Variants in FEZ2 observed in about 807,000 individuals in gnomAD.
FEZ2 encodes fasciculation and elongation protein zeta-2.
FEZ2 carries 51 observed loss-of-function variants against 40.4 expected under a neutral mutation model. That is an observed-to-expected ratio of 1.26 (90% CI 1.01 to 1.59). The LOEUF (loss-of-function observed/expected upper bound fraction) is 1.59. FEZ2 is among the 40% of genes most tolerant of loss of function. The probability of loss-of-function intolerance (pLI) is 0.00; values close to 1 mark genes in which losing one functional copy is unlikely to be tolerated. For synonymous variants in FEZ2, 242 were observed against 172.0 expected (o/e 1.41, Z -3.18); for missense variants, 640 against 438.3 (o/e 1.46, Z -4.11).
Position 36,597,960 on chromosome 2 carries a change from G to A in FEZ2, c.183C>T (p.Cys61=). ...ACSLEEKLSL[C]FRPSDPGAEP... is the part of the protein sequence containing the mutation. Reference sequence around the variant, plus strand: ...CGGCGCCCGGATCCGAGGGGCGGAAGCACAGGCTCAGCTTCTCCTCCAAGC... The same window carrying A: ...CGGCGCCCGGATCCGAGGGGCGGAAACACAGGCTCAGCTTCTCCTCCAAGC... The change falls in exon 1 of 8, where the codon TGC becomes TGT. Residue 61 remains cysteine, a synonymous_variant. Coordinates refer to ENST00000405912, the MANE Select transcript of FEZ2 (RefSeq NM_005102.3). The A allele has an allele frequency of 2.7e-6, 4 of 1,472,756 alleles. No homozygotes were observed. The highest frequency in any genetic ancestry group is 2.9e-5 in the East Asian group (1 of 34,128). 91.2% of individuals were successfully genotyped at this position (1,472,756 alleles called of 1,614,324 possible).
chr2:36,579,058 A>G (rs1668660778), intron 4 of FEZ2, 193 bp from the exon 5 acceptor site: 2 of 543,680 alleles, frequency 3.7e-6, no homozygotes, highest in Non-Finnish European at 6.4e-6. Flanking sequence ...ATCAGATCTG[A>G]GTAGAGGTAA....
At chr2:36,563,170 C>T (rs1262604149) in intron 5 of FEZ2, among the ~76,000 whole-genome samples, 2 of 152,226 alleles carry the variant, frequency 1.3e-5, no homozygotes, top group African/African-American at 4.8e-5. Context: ...TGAGCCATCT[C>T]AACTACTGAC....
intron 2 of FEZ2, among the ~76,000 whole-genome samples, chr2:36,586,899 T>C (rs973357898): frequency 3.3e-5 from 5 of 152,238 alleles, no homozygotes; most frequent in Non-Finnish European, 5.9e-5. Context: ...TAAGCTATGA[T>C]GGCGCCACTG....
Position 36,552,514 on chromosome 2 carries a change from C to CTTAT in FEZ2, c.*648_*649insATAA, listed in dbSNP as rs386389934. ...GAAGCAGAACATTTGAAAATCAAAACTTAAATACAAGATTCTAAAAGTGAA... is the reference window on the plus strand; with the variant it reads ...GAAGCAGAACATTTGAAAATCAAAACTTATTTAAATACAAGATTCTAAAAGTGAA... On this transcript the variant is annotated 3_prime_UTR_variant, in exon 8 of 8. Transcript: ENST00000405912. The CTTAT allele has an allele frequency of 4.0e-6, 1 of 250,484 alleles. No individual in the cohort carries two copies. 15.5% of individuals were successfully genotyped at this position (250,484 alleles called of 1,614,324 possible).
chr2:36,573,221 A>C (rs764389500), intron 5 of FEZ2, among the ~76,000 whole-genome samples: 1 of 152,232 alleles, frequency 6.6e-6, no homozygotes, highest in Non-Finnish European at 1.5e-5. Context: ...CATTCAATTC[A>C]AAGATTTGTT....
chr2:36,598,094 CCGG>C lies in FEZ2; in HGVS notation c.46_48del (p.Pro16del). The C allele has an allele frequency of 6.7e-7, 1 of 1,492,386 alleles. No individual in the cohort carries two copies. 92.4% of individuals were successfully genotyped at this position (1,492,386 alleles called of 1,614,324 possible). ...TTCTCCTGGTCCAGGAGGCTCCGGG[CCGG>C]CTCCTGGAACTCATAGAAATCCTGC... On this transcript the variant is annotated inframe_deletion, in exon 1 of 8. Transcript: ENST00000405912.
At position 36,581,800 on chromosome 2, in the gene FEZ2, GA is replaced by G. The variant is rs539230416; in HGVS notation, c.493-370del. ...AATCGTTAGAAGAAAGCAAATAACA[GA>G]AAATTTACCATAGACATACAAGTGC... On this transcript the variant is annotated intron_variant, in intron 3 of 7. Transcript: ENST00000405912. 7.2e-5 allele frequency among the ~76,000 whole-genome samples: 11 copies of G among 152,006 alleles called. No homozygotes were observed. In the East Asian group the frequency reaches 2.1e-3, roughly 29 times the overall value.
In FEZ2 at chr2:36,581,356, G is replaced by C. The variant is rs1385634143; in HGVS notation, c.568C>G (p.Arg190Gly). The change falls in exon 4 of 8, where the codon CGG (arginine) becomes GGG (glycine). Residue 190 changes from arginine (R) to glycine (G), a missense_variant. Arg to Gly is a moderately radical substitution (Grantham distance 125). Transcript: ENST00000405912. ...ATTTCCTGGGAAAGCATTGAAAGCC[G>C]ATCTGACTGTGTAGGGGTTTCATCA... ...EDDETPTQSD[R>G]LSMLSQEIQT... 6.2e-7 allele frequency: 1 copy of C among 1,613,226 alleles called. No individual in the cohort carries two copies. The highest frequency in any genetic ancestry group is 1.3e-5 in the African/African-American group (1 of 74,890).
chr2:36,596,887 G>C (rs1040611753), intron 1 of FEZ2, among the ~76,000 whole-genome samples: 1 of 152,088 alleles, frequency 6.6e-6, no homozygotes, highest in Admixed American at 6.5e-5. Context: ...GTAAAACCAT[G>C]GTACCTAATT....
chr2:36,595,951 ATTGAT>A (rs776241086), intron 1 of FEZ2, among the ~76,000 whole-genome samples: 46 of 152,186 alleles, frequency 3.0e-4, no homozygotes, highest in Non-Finnish European at 2.9e-4. Flanking sequence ...CAATCCTCTA[ATTGAT>A]TTAAGTCAGC....
At chr2:36,568,165 GGA>G (rs1226041462) in intron 5 of FEZ2, among the ~76,000 whole-genome samples, 1 of 152,028 alleles carries the variant, frequency 6.6e-6, no homozygotes, top group Non-Finnish European at 1.5e-5. Context: ...ACAAGGAAAG[GGA>G]GAGACAGAAG....
At chr2:36,595,642 A>G (rs1351818412) in intron 1 of FEZ2, among the ~76,000 whole-genome samples, 1 of 152,220 alleles carries the variant, frequency 6.6e-6, no homozygotes, top group South Asian at 2.1e-4. Flanking sequence ...AAGCACAGCA[A>G]TATCTGAGTA....
chr2:36,569,993 C>T (rs1252484254), intron 5 of FEZ2, among the ~76,000 whole-genome samples: 1 of 152,188 alleles, frequency 6.6e-6, no homozygotes, highest in East Asian at 1.9e-4. Context: ...TAAATCACGA[C>T]ACTTTCAATA....
chr2:36,563,122 TA>T (rs1391482936), intron 5 of FEZ2, among the ~76,000 whole-genome samples: 1 of 152,256 alleles, frequency 6.6e-6, no homozygotes, highest in African/African-American at 2.4e-5. Flanking sequence ...AGATGTAATT[TA>T]GGTTTTCTTT....
At chr2:36,563,969 T>C (rs1167954406) in intron 5 of FEZ2, among the ~76,000 whole-genome samples, 1 of 152,222 alleles carries the variant, frequency 6.6e-6, no homozygotes, top group African/African-American at 2.4e-5. Flanking sequence ...TGCCTCTTTC[T>C]TGACTCACCT....
At chr2:36,565,455 T>G (rs906846922) in intron 5 of FEZ2, among the ~76,000 whole-genome samples, 1 of 152,216 alleles carries the variant, frequency 6.6e-6, no homozygotes, top group Non-Finnish European at 1.5e-5. Flanking sequence ...TTCTTGAGTT[T>G]CTTGCCCCCT....
chr2:36,556,743 C>T (rs1227247121), intron 6 of FEZ2: 3 of 152,178 alleles, frequency 2.0e-5, no homozygotes, highest in African/African-American at 7.2e-5. Context: ...TATCATAGTG[C>T]CTGGCACATA....
At chr2:36,589,796 T>G (rs1005388190) in intron 2 of FEZ2, 3 of 152,348 alleles carry the variant, frequency 2.0e-5, no homozygotes, top group African/African-American at 7.2e-5. Flanking sequence ...ATCACATATG[T>G]AAGAAAATCC....
chr2:36,564,247 A>G (rs538885570), intron 5 of FEZ2, among the ~76,000 whole-genome samples: 1 of 152,330 alleles, frequency 6.6e-6, no homozygotes, highest in Admixed American at 6.5e-5. Context: ...TGGCCTATTG[A>G]CAAGCCTATG....
Sources: allele counts gnomAD v4.1 joint callset (sites outside exome capture counted in the v4.1 genomes callset), GRCh38; gene constraint gnomAD v4.1.1; transcripts MANE v1.5; gene names NCBI Gene and HGNC (gene_info 2026-07-23, HGNC 2026-07-21).